TSEN34: variants seen among roughly 807,000 people sequenced by gnomAD.
TSEN34 encodes tRNA splicing endonuclease subunit 34, also known as tRNA-splicing endonuclease subunit Sen34.
TSEN34 carries 25 observed loss-of-function variants against 30.2 expected under a neutral mutation model. That is an observed-to-expected ratio of 0.83 (90% CI 0.60 to 1.16). The LOEUF is 1.16. Ranked by LOEUF, TSEN34 falls within the 50% of genes most tolerant of loss-of-function variation. The probability of loss-of-function intolerance (pLI) is 0.00; values close to 1 mark genes in which losing one functional copy is unlikely to be tolerated. For missense variants in TSEN34, 475 were observed against 411.9 expected, an observed-to-expected ratio of 1.15 and a Z score of -1.33; for synonymous variants, 209 against 177.4, an observed-to-expected ratio of 1.18 and a Z score of -1.41.
upstream of TSEN34, chr19:54,190,424 G>A (rs1020602348): frequency 2.8e-6 from 4 of 1,452,172 alleles, no homozygotes; most frequent in African/African-American, 4.4e-5. Flanking sequence ...GGGAGGCAAG[G>A]AGGCGGACTG....
chr19:54,191,246 G>GT (rs2076674907), upstream of TSEN34: 16 of 1,475,950 alleles, frequency 1.1e-5, no homozygotes, highest in Admixed American at 3.8e-4. Context: ...GCGAGGCCCC[G>GT]CCCCCTGAGG....
Position 54,193,072 on chromosome 19 carries a change from A to ACAGT in TSEN34, c.746-103_746-102insCAGT. On this transcript the variant is annotated intron_variant, in intron 3 of 3. Coordinates refer to ENST00000396388, the MANE Select transcript of TSEN34 (RefSeq NM_001077446.4). The stretch of plus-strand genomic sequence containing the variant: ...AGAGCATCTGTTTTAGAGTATCTAT[A>ACAGT]GTGATGGCTGAAATGATCTCAGATC... The ACAGT allele has an allele frequency of 3.1e-6, 5 of 1,590,696 alleles. No individual in the cohort carries two copies. In the South Asian group the frequency reaches 5.5e-5, roughly 18 times the overall value.
chr19:54,191,242 C>G, upstream of TSEN34: 3 of 1,472,050 alleles, frequency 2.0e-6, no homozygotes, highest in Non-Finnish European at 2.7e-6. Context: ...CTGAGCGAGG[C>G]CCCGCCCCCT....
upstream of TSEN34, chr19:54,190,637 G>A: frequency 1.6e-6 from 2 of 1,260,760 alleles, no homozygotes; most frequent in East Asian, 3.2e-5. Context: ...GCGTCCGGGA[G>A]GAGGCGGGGC....
Position 54,191,339 on chromosome 19 carries a change from C to G in TSEN34, c.-26C>G, listed in dbSNP as rs559420361. ...CGGCGCGCAGCTGTTTCGGTAACTG[C>G]TTTGCCTCCCGGCTCCCGCAGGAGG... On this transcript the variant is annotated 5_prime_UTR_variant, in exon 1 of 4. Transcript: ENST00000396388. 154 of 1,548,958 alleles carry G rather than the reference C, an allele frequency of 9.9e-5. No homozygotes were observed. The South Asian group carries it at 1.7e-3, about 17-fold the overall frequency.
At position 54,193,577 on chromosome 19, in the gene TSEN34, C is replaced by T; in HGVS notation, c.*215C>T. ...TAGTTACCTATTTTCACACTGTGAGCTTCCCGAGAATGGGGCCTGGGTTTG... is the reference window on the plus strand; with the variant it reads ...TAGTTACCTATTTTCACACTGTGAGTTTCCCGAGAATGGGGCCTGGGTTTG... On this transcript the variant is annotated 3_prime_UTR_variant, in exon 4 of 4. Coordinates refer to ENST00000396388, the MANE Select transcript of TSEN34 (RefSeq NM_001077446.4). 6.6e-7 allele frequency: 1 copy of T among 1,508,744 alleles called. No individual in the cohort carries two copies. The highest frequency in any genetic ancestry group is 8.9e-7 in the Non-Finnish European group (1 of 1,121,992). 93.5% of individuals were successfully genotyped at this position (1,508,744 alleles called of 1,614,324 possible).
Position 54,191,591 on chromosome 19 carries a change from C to G in TSEN34, c.227C>G (p.Ser76Cys), listed in dbSNP as rs368255252. 9 of 1,603,286 alleles carry G rather than the reference C, an allele frequency of 5.6e-6. 1 individual carries two copies. The Middle Eastern group carries it at 6.6e-4, about 118-fold the overall frequency. The change falls in exon 1 of 4, where the codon TCT (serine) becomes TGT (cysteine). Residue 76 changes from serine to cysteine, a missense_variant. Ser to Cys is a moderately radical substitution (Grantham distance 112). Coordinates refer to ENST00000396388, the MANE Select transcript of TSEN34 (RefSeq NM_001077446.4). ...VTLVSAPRPD[S>C]RHHSLALTSF... ...CTGGTCAGCGCCCCGCGTCCAGACT[C>G]TCGGCACCACAGCCTGGTAAGGGGG...
chr19:54,193,673 T>C lies in TSEN34; in HGVS notation c.*311T>C. ...AACTTGGTATATAAATGTTCATGATTTGAATGTTTGCGACAGTCCTGGAAC... is the reference window on the plus strand; with the variant it reads ...AACTTGGTATATAAATGTTCATGATCTGAATGTTTGCGACAGTCCTGGAAC... On this transcript the variant is annotated 3_prime_UTR_variant, in exon 4 of 4. Coordinates refer to ENST00000396388, the MANE Select transcript of TSEN34 (RefSeq NM_001077446.4). 1 of 897,382 alleles carries C rather than the reference T, an allele frequency of 1.1e-6. No individual in the cohort carries two copies. Among genetic ancestry groups the C allele is most frequent in the Non-Finnish European group, 1.8e-6 (1 of 563,484 alleles). 55.6% of individuals were successfully genotyped at this position (897,382 alleles called of 1,614,324 possible).
At position 54,194,388 on chromosome 19, in the gene TSEN34, G is replaced by A. The variant is rs981904772; in HGVS notation, c.*1026G>A. 2.0e-5 allele frequency: 3 copies of A among 151,908 alleles called. No homozygotes were observed. The highest frequency in any genetic ancestry group is 4.4e-5 in the Non-Finnish European group (3 of 67,988). 9.4% of individuals were successfully genotyped at this position (151,908 alleles called of 1,614,324 possible). On this transcript the variant is annotated 3_prime_UTR_variant, in exon 4 of 4. Transcript: ENST00000396388. ...TTATATTTTAGACTCTTTTTTGGAT[G>A]TGTTATATTCTGCAATTTTTATAAA...
At position 54,194,432 on chromosome 19, in the gene TSEN34, T is replaced by C. The variant is rs1600716786; in HGVS notation, c.*1070T>C. The C allele has an allele frequency of 6.6e-6, 1 of 152,202 alleles. No individual in the cohort carries two copies. Among genetic ancestry groups the C allele is most frequent in the East Asian group, 1.9e-4 (1 of 5,204 alleles). The allele number at this position is 152,202 out of a possible 1,614,324, so 9.4% of individuals were successfully genotyped here. On this transcript the variant is annotated 3_prime_UTR_variant, in exon 4 of 4. Transcript: ENST00000396388. Reference sequence around the variant, plus strand: ...TTATAAAAGCTAAAACACATGTATTTGTAAAAAATTTGCACTTATGAAATC... The same window carrying C: ...TTATAAAAGCTAAAACACATGTATTCGTAAAAAATTTGCACTTATGAAATC...
rs896566278 is a variant in TSEN34 at position 54,192,140 on chromosome 19, C to T, written c.512C>T (p.Pro171Leu). The T allele has an allele frequency of 1.2e-6, 2 of 1,614,226 alleles. No individual in the cohort carries two copies. The highest frequency in any genetic ancestry group is 1.3e-5 in the African/African-American group (1 of 75,064). ...EAGPSSSQAGPSNGVAPLPRS... is the reference protein window; with the variant it reads ...EAGPSSSQAGLSNGVAPLPRS... Reference sequence around the variant, plus strand: ...GGCCCCTCGTCTTCCCAAGCAGGACCCTCAAATGGGGTAGCCCCCTTGCCC... The same window carrying T: ...GGCCCCTCGTCTTCCCAAGCAGGACTCTCAAATGGGGTAGCCCCCTTGCCC... Residue 171 changes from proline to leucine, a missense_variant, in exon 3 of 4, where the codon CCC becomes CTC. Coordinates refer to ENST00000396388, the MANE Select transcript of TSEN34 (RefSeq NM_001077446.4).
At chr19:54,190,683 A>C, upstream of TSEN34, 1 of 1,237,032 alleles carries the variant, frequency 8.1e-7, no homozygotes, top group African/African-American at 1.6e-5. Context: ...CCCGAACGTC[A>C]AATTGCTGGC....
rs1389791270 is a variant in TSEN34 at position 54,192,392 on chromosome 19, C to T, written c.745+19C>T. The T allele has an allele frequency of 8.1e-6, 13 of 1,613,818 alleles. No individual in the cohort carries two copies. Among genetic ancestry groups the T allele is most frequent in the Non-Finnish European group, 1.0e-5 (12 of 1,180,004 alleles). On this transcript the variant is annotated intron_variant, in intron 3 of 3. Transcript: ENST00000396388. Reference sequence around the variant, plus strand: ...TATCCTGGTGAGTATGGGTTGGGGCCTCTGGTTGCTGTGCCTTTCCATACG... The same window carrying T: ...TATCCTGGTGAGTATGGGTTGGGGCTTCTGGTTGCTGTGCCTTTCCATACG...
chr19:54,192,425 T>C, intron 3 of TSEN34, 52 bp downstream of exon 3: 2 of 1,602,600 alleles, frequency 1.2e-6, no homozygotes, highest in Non-Finnish European at 1.7e-6. Flanking sequence ...ACGATCCCAA[T>C]GTATTCTGCG....
chr19:54,193,998 T>C lies in TSEN34; in HGVS notation c.*636T>C. On this transcript the variant is annotated 3_prime_UTR_variant, in exon 4 of 4. Coordinates refer to ENST00000396388, the MANE Select transcript of TSEN34 (RefSeq NM_001077446.4). ...AGGGGGATCGCTTGAGCCCAGGAGT[T>C]TGAGACCAGCTCTGGCAACATTGTA... is the stretch of plus-strand genomic sequence containing the variant. 1 of 321,410 alleles carries C rather than the reference T, an allele frequency of 3.1e-6. No individual in the cohort carries two copies. The highest frequency in any genetic ancestry group is 6.2e-5 in the East Asian group (1 of 16,130). The allele number at this position is 321,410 out of a possible 1,614,324, so 19.9% of individuals were successfully genotyped here. A position where few individuals can be genotyped will look rare whatever the true frequency, so the allele number is the denominator to read the frequency against.
At chr19:54,191,126 G>A (rs1357426246), upstream of TSEN34, 9 of 1,344,302 alleles carry the variant, frequency 6.7e-6, no homozygotes, top group Non-Finnish European at 7.6e-6. Context: ...GAGGGGAGAG[G>A]GTCGGGGGCT....
At position 54,193,240 on chromosome 19, in the gene TSEN34, C is replaced by T; in HGVS notation, c.811C>T (p.Leu271Phe). 1 of 1,614,168 alleles carries T rather than the reference C, an allele frequency of 6.2e-7. No homozygotes were observed. Among genetic ancestry groups the T allele is most frequent in the Non-Finnish European group, 8.5e-7 (1 of 1,180,034 alleles). The change falls in exon 4 of 4, where the codon CTC becomes TTC. Residue 271 changes from leucine to phenylalanine, a missense_variant. By Grantham distance (22) the Leu-to-Phe change is conservative. Coordinates refer to ENST00000396388, the MANE Select transcript of TSEN34 (RefSeq NM_001077446.4). Reference sequence around the variant, plus strand: ...CTGGGCCCCTGAGGACACCATCCCACTCCAAGACCTGGTTGCTGCTGGGCG... The same window carrying T: ...CTGGGCCCCTGAGGACACCATCCCATTCCAAGACCTGGTTGCTGCTGGGCG... ...QCWAPEDTIP[L>F]QDLVAAGRLG... is the part of the protein sequence containing the mutation.
chr19:54,190,183 C>G, upstream of TSEN34: 1 of 601,610 alleles, frequency 1.7e-6, no homozygotes, highest in South Asian at 1.8e-5. Flanking sequence ...TGGGGCGGAG[C>G]CAAGGTGGCC....
Position 54,193,712 on chromosome 19 carries a change from C to T in TSEN34, c.*350C>T, listed in dbSNP as rs2076793469. 2 of 750,476 alleles carry T rather than the reference C, an allele frequency of 2.7e-6. No homozygotes were observed. Among genetic ancestry groups the T allele is most frequent in the Non-Finnish European group, 4.7e-6 (2 of 428,796 alleles). 46.5% of individuals were successfully genotyped at this position (750,476 alleles called of 1,614,324 possible). A position where few individuals can be genotyped will look rare whatever the true frequency, so the allele number is the denominator to read the frequency against. On this transcript the variant is annotated 3_prime_UTR_variant, in exon 4 of 4. Coordinates refer to ENST00000396388, the MANE Select transcript of TSEN34 (RefSeq NM_001077446.4). ...CAGTCCTGGAACCCGTGGATGGTCTCATCTGCATGTACAGGTGAGAAAAAG... is the reference window on the plus strand; with the variant it reads ...CAGTCCTGGAACCCGTGGATGGTCTTATCTGCATGTACAGGTGAGAAAAAG...
Sources: allele counts gnomAD v4.1 joint callset, GRCh38; gene constraint gnomAD v4.1.1; transcripts MANE v1.5; gene names NCBI Gene and HGNC (gene_info 2026-07-23, HGNC 2026-07-21).